Variants in SRRM4 observed in about 807,000 individuals in gnomAD.
The protein encoded by SRRM4 is serine/arginine repetitive matrix protein 4.
In SRRM4, 33 loss-of-function variants were observed where a neutral mutation model predicts 68.9. That is an observed-to-expected ratio of 0.48 (90% CI 0.36 to 0.64). The LOEUF (loss-of-function observed/expected upper bound fraction) is 0.64, where lower values mean the gene tolerates loss of function less well. Ranked by LOEUF, SRRM4 falls within the 30% of genes least tolerant of loss-of-function variation. SRRM4 has a pLI of 0.00. For missense variants in SRRM4, 817 were observed against 827.1 expected (o/e 0.99, Z 0.15); for synonymous variants, 318 against 318.8 (o/e 1.00, Z 0.03).
chr12:119,107,746 T>C (rs1483491865), intron 2 of SRRM4, among the ~76,000 whole-genome samples: 1 of 152,202 alleles, frequency 6.6e-6, no homozygotes, highest in Non-Finnish European at 1.5e-5. Flanking sequence ...TCTATCAATT[T>C]TGTTGATCTT....
intron 1 of SRRM4, among the ~76,000 whole-genome samples, chr12:119,049,165 A>T (rs532763618): frequency 1.8e-4 from 28 of 152,292 alleles, no homozygotes; most frequent in African/African-American, 6.5e-4. Context: ...GGTAAGGGGG[A>T]TAGGAAAAGC....
chr12:119,024,688 C>T (rs996741428), intron 1 of SRRM4, among the ~76,000 whole-genome samples: 1 of 152,194 alleles, frequency 6.6e-6, no homozygotes, highest in African/African-American at 2.4e-5. Context: ...AGAACTGCTC[C>T]TGTCTAAACC....
chr12:119,051,925 C>T (rs893270778), intron 1 of SRRM4, among the ~76,000 whole-genome samples: 4 of 152,188 alleles, frequency 2.6e-5, no homozygotes, highest in Non-Finnish European at 4.4e-5. Context: ...CTATTACTAC[C>T]TAGGTAACCA....
intron 1 of SRRM4, chr12:119,001,338 A>G (rs1436364319): frequency 2.0e-5 from 3 of 152,202 alleles, no homozygotes; most frequent in Non-Finnish European, 4.4e-5. Context: ...GCTTGTCACA[A>G]GGTCCCCTGG....
chr12:119,121,523 G>T (rs1019757476), intron 5 of SRRM4, among the ~76,000 whole-genome samples: 7 of 152,146 alleles, frequency 4.6e-5, no homozygotes, highest in African/African-American at 1.7e-4. Context: ...TATCTTCCTG[G>T]ATATTCCATT....
chr12:119,125,587 C>G (rs769965375), intron 7 of SRRM4, 108 bp downstream of exon 7: 1 of 907,510 alleles, frequency 1.1e-6, no homozygotes, highest in Non-Finnish European at 1.7e-6. Context: ...GTTTGGCCCC[C>G]TTCCTCAGAC....
chr12:119,138,663 T>C (rs1954345949), intron 8 of SRRM4, among the ~76,000 whole-genome samples: 1 of 152,196 alleles, frequency 6.6e-6, no homozygotes, highest in African/African-American at 2.4e-5. Flanking sequence ...TAATGCATCT[T>C]TTATTGTCTC....
chr12:119,094,301 T>A (rs993641384), intron 1 of SRRM4, among the ~76,000 whole-genome samples: 2 of 152,146 alleles, frequency 1.3e-5, no homozygotes, highest in African/African-American at 4.8e-5. Flanking sequence ...ACATGGCTAC[T>A]CAGAGTGTAG....
At chr12:118,982,091 A>G in intron 1 of SRRM4, 78 bp downstream of exon 1, 1 of 1,499,424 alleles carries the variant, frequency 6.7e-7, no homozygotes, top group Non-Finnish European at 8.9e-7. Context: ...GGAGGGGTGG[A>G]TGCAGGCAGC....
intron 7 of SRRM4, among the ~76,000 whole-genome samples, chr12:119,129,407 G>A (rs1031903498): frequency 1.3e-5 from 2 of 148,730 alleles, no homozygotes; most frequent in Non-Finnish European, 3.0e-5. Context: ...ACTTGCAGAA[G>A]GCATCTCTGT....
At chr12:119,095,959 C>CA (rs34062118) in intron 1 of SRRM4, among the ~76,000 whole-genome samples, 1,382 of 105,874 alleles carry the variant, frequency 0.013, 14 homozygotes, top group South Asian at 0.025. Context: ...GCCTCAGTCT[C>CA]AAAAAAAAAA....
At chr12:119,107,134 C>A (rs1954112454) in intron 2 of SRRM4, among the ~76,000 whole-genome samples, 1 of 152,130 alleles carries the variant, frequency 6.6e-6, no homozygotes, top group African/African-American at 2.4e-5. Context: ...ATATGTTGAA[C>A]CAGCCTTGCA....
At chr12:118,998,333 T>C (rs1953362727) in intron 1 of SRRM4, among the ~76,000 whole-genome samples, 1 of 130,700 alleles carries the variant, frequency 7.7e-6, no homozygotes, top group African/African-American at 2.9e-5. Flanking sequence ...AACCAATTGG[T>C]AGTTGTGGTC....
At chr12:118,982,300 T>C (rs1391213809) in intron 1 of SRRM4, among the ~76,000 whole-genome samples, 2 of 152,034 alleles carry the variant, frequency 1.3e-5, no homozygotes, top group Admixed American at 1.3e-4. Flanking sequence ...GGGTACGACT[T>C]GACTGAAAAA....
chr12:119,051,437 G>T (rs911715208), intron 1 of SRRM4, among the ~76,000 whole-genome samples: 1 of 152,196 alleles, frequency 6.6e-6, no homozygotes, highest in Non-Finnish European at 1.5e-5. Flanking sequence ...TGGAACCCAA[G>T]CATGCAAGTT....
intron 10 of SRRM4, among the ~76,000 whole-genome samples, chr12:119,152,151 C>G (rs1954443384): frequency 6.6e-6 from 1 of 152,174 alleles, no homozygotes; most frequent in Admixed American, 6.5e-5. Context: ...GGGAGTCCAG[C>G]TTTCCTCTGC....
intron 1 of SRRM4, among the ~76,000 whole-genome samples, chr12:119,022,103 G>A (rs1953520032): frequency 6.6e-6 from 1 of 151,910 alleles, no homozygotes; most frequent in South Asian, 2.1e-4. Context: ...GGGTTGATAG[G>A]TGCAGCAAAC....
chr12:119,138,644 C>T (rs185450068), intron 8 of SRRM4, among the ~76,000 whole-genome samples: 1 of 152,292 alleles, frequency 6.6e-6, no homozygotes, highest in Admixed American at 6.5e-5. Flanking sequence ...ACTGTAATAG[C>T]TGGTTTGATA....
chr12:118,981,748 C>A lies in SRRM4; in HGVS notation c.-135C>A. The A allele has an allele frequency of 1.1e-5, 10 of 874,256 alleles. No individual in the cohort carries two copies. The highest frequency in any genetic ancestry group is 6.6e-5 in the Admixed American group (2 of 30,272). The allele number at this position is 874,256 out of a possible 1,614,324, so 54.2% of individuals were successfully genotyped here. On this transcript the variant is annotated 5_prime_UTR_variant, in exon 1 of 13. Coordinates refer to ENST00000267260, the MANE Select transcript of SRRM4 (RefSeq NM_194286.4). ...GGGGCGTCCCATCCCCCGCCCTGAA[C>A]TCCGATCTCTCCCACCCCACCCCTC...
Sources: gnomAD v4.1 joint callset for allele counts (sites outside exome capture counted in the v4.1 genomes callset) on GRCh38, gnomAD v4.1.1 for gene constraint, MANE v1.5 for transcripts, NCBI Gene and HGNC (gene_info 2026-07-23, HGNC 2026-07-21) for gene names.